The following UTS2 variants were observed in gnomAD, a reference collection of about 807,000 sequenced individuals.
UTS2 encodes the protein urotensin 2, also known as urotensin-2.
UTS2 carries 10 observed loss-of-function variants against 12.6 expected under a neutral mutation model. The ratio of observed to expected loss-of-function variants is 0.80; its 90% CI spans 0.49 to 1.35. UTS2 has a LOEUF of 1.35. Ranked by LOEUF, UTS2 falls within the 40% of genes most tolerant of loss-of-function variation. The pLI, the probability that UTS2 is intolerant of heterozygous loss-of-function variation, is 0.00. For missense variants in UTS2, 142 were observed against 143.2 expected (o/e 0.99, Z 0.04); for synonymous variants, 52 against 50.0 (o/e 1.04, Z -0.17).
the UTS2 span, among the ~76,000 whole-genome samples, chr1:7,891,897 G>A: frequency 6.6e-6 from 1 of 152,170 alleles, no homozygotes; most frequent in Non-Finnish European, 1.5e-5. Context: ...GTTTGGAGAT[G>A]GGGGATTCAA....
At chr1:7,888,063 T>C in the UTS2 span, among the ~76,000 whole-genome samples, 1 of 152,192 alleles carries the variant, frequency 6.6e-6, no homozygotes. Flanking sequence ...ACTGAGCACA[T>C]TCAACAGCTT....
the UTS2 span, among the ~76,000 whole-genome samples, chr1:7,889,862 C>T: frequency 2.0e-5 from 3 of 152,024 alleles, no homozygotes; most frequent in African/African-American, 4.8e-5. Context: ...GTCAGGAGAT[C>T]GAGACCTCCC....
chr1:7,862,978 TTATTGTGTTG>T, the UTS2 span, among the ~76,000 whole-genome samples: 1 of 52,116 alleles, frequency 1.9e-5, no homozygotes, highest in East Asian at 5.1e-4. Flanking sequence ...CGGCCGTTAT[TTATTGTGTTG>T]TGTTGTATTG....
chr1:7,887,380 A>G, the UTS2 span, among the ~76,000 whole-genome samples: 1 of 152,142 alleles, frequency 6.6e-6, no homozygotes, highest in African/African-American at 2.4e-5. Context: ...CATGTTTACA[A>G]TCTGGAGGGC....
chr1:7,908,618 A>G, the UTS2 span, among the ~76,000 whole-genome samples: 1 of 151,984 alleles, frequency 6.6e-6, no homozygotes, highest in Non-Finnish European at 1.5e-5. Flanking sequence ...TCTGATTTAG[A>G]AATTTTGTGG....
At chr1:7,870,212 T>C in the UTS2 span, among the ~76,000 whole-genome samples, 1 of 152,046 alleles carries the variant, frequency 6.6e-6, no homozygotes, top group Non-Finnish European at 1.5e-5. Flanking sequence ...GGCAAGTAAA[T>C]TAAAGTAGGC....
At chr1:7,912,187 TTAAAATAGAGCCAAATGGC>T in the UTS2 span, among the ~76,000 whole-genome samples, 77,872 of 151,288 alleles carry the variant, frequency 0.51, 20,879 homozygotes, top group East Asian at 0.92. Context: ...GAGCCTAAAT[TTAAAATAGAGCCAAATGGC>T]TAAAATAGTT....
the UTS2 span, among the ~76,000 whole-genome samples, chr1:7,863,862 T>C: frequency 6.6e-6 from 1 of 152,216 alleles, no homozygotes; most frequent in African/African-American, 2.4e-5. Flanking sequence ...TGGCCCAGGG[T>C]CACTCATGTG....
the UTS2 span, among the ~76,000 whole-genome samples, chr1:7,906,002 G>A: frequency 6.7e-3 from 1,012 of 152,136 alleles, 14 homozygotes; most frequent in African/African-American, 0.022. Context: ...GTGGGGGTCG[G>A]GAACACACGG....
chr1:7,854,173 G>A (rs976866000), upstream of UTS2, among the ~76,000 whole-genome samples: 1 of 151,734 alleles, frequency 6.6e-6, no homozygotes, highest in Admixed American at 6.6e-5. Flanking sequence ...GTGAAACCCC[G>A]TCTCTACTAA....
chr1:7,876,095 C>CCAGA, the UTS2 span, among the ~76,000 whole-genome samples: 1 of 152,192 alleles, frequency 6.6e-6, no homozygotes, highest in African/African-American at 2.4e-5. Flanking sequence ...TGCACATTGT[C>CCAGA]CAGAGGTCAG....
upstream of UTS2, among the ~76,000 whole-genome samples, chr1:7,857,444 G>T (rs1012087034): frequency 6.8e-6 from 1 of 147,466 alleles, no homozygotes. Context: ...TATAATAAAA[G>T]AACTAGAATA....
chr1:7,912,675 C>T, the UTS2 span, among the ~76,000 whole-genome samples: 4 of 152,220 alleles, frequency 2.6e-5, no homozygotes, highest in East Asian at 1.9e-4. Flanking sequence ...AGGCTAGTCT[C>T]GAACTCCCAA....
chr1:7,850,823 A>T lies in UTS2; in HGVS notation c.203T>A (p.Leu68His), dbSNP rs1363048783. The change falls in exon 2 of 4, where the codon CTC becomes CAC. Residue 68 changes from leucine to histidine, a missense_variant. Leu to His is a moderately conservative substitution (Grantham distance 99, BLOSUM62 -3). Coordinates refer to ENST00000361696, the MANE Select transcript of UTS2 (RefSeq NM_006786.4). Reference protein sequence around the residue: ...EMLGAERGDILRKADSSTNIF... With the variant: ...EMLGAERGDIHRKADSSTNIF... ...GAGAAGCATTTTACCTGCTTTCCTG[A>T]GAATATCCCCTCTTTCTGCACCCAG... The T allele has an allele frequency of 6.8e-6, 11 of 1,614,202 alleles. No individual in the cohort carries two copies. The highest frequency in any genetic ancestry group is 9.3e-6 in the Non-Finnish European group (11 of 1,180,032).
At chr1:7,879,478 C>T in the UTS2 span, among the ~76,000 whole-genome samples, 2 of 152,290 alleles carry the variant, frequency 1.3e-5, no homozygotes, top group African/African-American at 2.4e-5. Context: ...TGATGGCTCA[C>T]GCCTGTAATC....
chr1:7,866,019 A>G, the UTS2 span, among the ~76,000 whole-genome samples: 11 of 152,216 alleles, frequency 7.2e-5, no homozygotes, highest in African/African-American at 1.4e-4. The surrounding 1 kb of genome is among the most constrained non-coding windows in gnomAD (Gnocchi z 4.5). Context: ...GTGTTAGCCC[A>G]TGACAGGTGG....
At position 7,847,811 on chromosome 1, in the gene UTS2, G is replaced by C; in HGVS notation, c.330C>G (p.Tyr110Ter). Reference sequence around the variant, plus strand: ...AGCAATCAGGAGTCTCACGTTTCTTGTATGGTTTCCAGATTCTGGCCAAAA... The same window carrying C: ...AGCAATCAGGAGTCTCACGTTTCTTCTATGGTTTCCAGATTCTGGCCAAAA... ...SHLLARIWKP[Y>*]KKRETPDCFW... The change falls in exon 4 of 4, where the codon TAC becomes TAG. Residue 110 changes from tyrosine to a stop codon, truncating the protein, a stop_gained. Coordinates refer to ENST00000361696, the MANE Select transcript of UTS2 (RefSeq NM_006786.4). LOFTEE classifies it high-confidence loss of function. 2 of 1,613,894 alleles carry C rather than the reference G, an allele frequency of 1.2e-6. No individual in the cohort carries two copies. The highest frequency in any genetic ancestry group is 2.2e-5 in the South Asian group (2 of 91,056).
At chr1:7,881,148 T>C in the UTS2 span, among the ~76,000 whole-genome samples, 1 of 152,180 alleles carries the variant, frequency 6.6e-6, no homozygotes, top group Non-Finnish European at 1.5e-5. Context: ...TTTAACATAA[T>C]AAAGGCCACG....
the UTS2 span, among the ~76,000 whole-genome samples, chr1:7,879,949 T>C: frequency 6.6e-6 from 1 of 151,734 alleles, no homozygotes; most frequent in African/African-American, 2.4e-5. Context: ...CCAAAATTAG[T>C]GAAGGAAAGA....
Sources: allele counts gnomAD v4.1 joint callset (sites outside exome capture counted in the v4.1 genomes callset), GRCh38; gene constraint gnomAD v4.1.1; non-coding constraint Gnocchi (gnomAD v3.1); transcripts MANE v1.5; gene names NCBI Gene and HGNC (gene_info 2026-07-23, HGNC 2026-07-21).